ELAVL2: variants seen among roughly 807,000 people sequenced by gnomAD.
ELAVL2 encodes the protein ELAV like RNA binding protein 2.
Under a neutral mutation model 34.6 loss-of-function variants are expected in ELAVL2, and 4 were observed. The ratio of observed to expected loss-of-function variants is 0.12; its 90% CI spans 0.06 to 0.26. The LOEUF is 0.26. Ranked by LOEUF, ELAVL2 falls within the 10% of genes least tolerant of loss-of-function variation. The probability of loss-of-function intolerance (pLI) is 1.00; values close to 1 mark genes in which losing one functional copy is unlikely to be tolerated. For missense variants in ELAVL2, 432 were observed against 442.8 expected, an observed-to-expected ratio of 0.98 and a Z score of 0.22; for synonymous variants, 193 against 154.8, an observed-to-expected ratio of 1.25 and a Z score of -1.83.
At chr9:23,814,731 C>G (rs1183735471) in intron 1 of ELAVL2, among the ~76,000 whole-genome samples, 1 of 152,132 alleles carries the variant, frequency 6.6e-6, no homozygotes, top group Admixed American at 6.5e-5. Context: ...TTAACACATT[C>G]TGGATACCTC....
intron 1 of ELAVL2, among the ~76,000 whole-genome samples, chr9:23,782,941 T>C (rs1252191425): frequency 2.0e-5 from 3 of 152,134 alleles, no homozygotes; most frequent in Non-Finnish European, 2.9e-5. Flanking sequence ...CTCTTTCCAA[T>C]CCCAGCTTCC....
At chr9:23,805,488 A>G (rs3829091) in intron 1 of ELAVL2, among the ~76,000 whole-genome samples, 2,345 of 152,304 alleles carry the variant, frequency 0.015, 54 homozygotes, top group African/African-American at 0.047. Flanking sequence ...CAGCTTTAAA[A>G]TGAGTTGCTT....
chr9:23,740,229 G>A (rs571123798), intron 2 of ELAVL2, among the ~76,000 whole-genome samples: 18 of 152,226 alleles, frequency 1.2e-4, no homozygotes, highest in African/African-American at 4.1e-4. Context: ...CAGTACCACT[G>A]CCAAACTAAA....
chr9:23,733,929 T>C (rs941494026), intron 2 of ELAVL2, among the ~76,000 whole-genome samples: 2 of 152,152 alleles, frequency 1.3e-5, no homozygotes, highest in African/African-American at 4.8e-5. Context: ...GTCAAATATC[T>C]AGTATCTGTT....
Position 23,787,759 on chromosome 9 carries a change from A to AC in ELAVL2, c.-15-25511dup, listed in dbSNP as rs367577542. Among the ~76,000 whole-genome samples the AC allele has an allele frequency of 3.4e-4, 52 of 152,238 alleles. 1 individual carries two copies. The highest frequency in any genetic ancestry group is 1.2e-3 in the African/African-American group (51 of 41,546). On this transcript the variant is annotated intron_variant, in intron 1 of 6. Transcript: ENST00000397312. ...CCCAGATACTGGCATTTTTATCAGCACCCGATTTGATTCTAATCTGCAAGC... is the reference window on the plus strand; with the variant it reads ...CCCAGATACTGGCATTTTTATCAGCACCCCGATTTGATTCTAATCTGCAAGC...
chr9:23,793,314 G>A (rs912964264), intron 1 of ELAVL2, among the ~76,000 whole-genome samples: 1 of 152,084 alleles, frequency 6.6e-6, no homozygotes, highest in African/African-American at 2.4e-5. Context: ...TCTGAAAGAT[G>A]GTACCAATTT....
At chr9:23,818,666 C>A (rs570345829) in intron 1 of ELAVL2, among the ~76,000 whole-genome samples, 9 of 152,300 alleles carry the variant, frequency 5.9e-5, no homozygotes, top group African/African-American at 1.9e-4. Context: ...ACCACAGATT[C>A]TAGCCTCTCT....
intron 1 of ELAVL2, among the ~76,000 whole-genome samples, chr9:23,771,240 A>C (rs953276178): frequency 3.3e-5 from 5 of 152,184 alleles, no homozygotes; most frequent in African/African-American, 1.2e-4. Context: ...AAGGTGCTAC[A>C]TTTTAATTAC....
At chr9:23,700,703 T>C (rs1015141820) in intron 5 of ELAVL2, among the ~76,000 whole-genome samples, 2 of 152,192 alleles carry the variant, frequency 1.3e-5, no homozygotes, top group African/African-American at 4.8e-5. Context: ...TCTGGTACTG[T>C]ACAGAGAAAG....
At chr9:23,770,682 A>AAG (rs1392585384) in intron 1 of ELAVL2, among the ~76,000 whole-genome samples, 25 of 152,212 alleles carry the variant, frequency 1.6e-4, no homozygotes, top group Non-Finnish European at 8.8e-5. Flanking sequence ...ATCTCTCATA[A>AAG]AGACTCTGGG....
intron 2 of ELAVL2, among the ~76,000 whole-genome samples, chr9:23,745,959 C>T (rs1237246782): frequency 6.6e-6 from 1 of 152,144 alleles, no homozygotes; most frequent in Non-Finnish European, 1.5e-5. Context: ...TGTTCTTGCT[C>T]ACACTCAGTG....
chr9:23,830,166 A>C (rs1309562403), upstream of ELAVL2: 2 of 152,260 alleles, frequency 1.3e-5, no homozygotes, highest in Non-Finnish European at 2.9e-5. Context: ...CGAATATCCC[A>C]GCTGGAATTG....
intron 5 of ELAVL2, among the ~76,000 whole-genome samples, chr9:23,697,456 G>C (rs947745159): frequency 1.3e-5 from 2 of 152,188 alleles, no homozygotes; most frequent in African/African-American, 2.4e-5. Flanking sequence ...ATAGTAATTA[G>C]CAAGACATTT....
rs2065274345 is a variant in ELAVL2 at position 23,826,022 on chromosome 9, CT to C, written c.-233del. The C allele has an allele frequency of 6.6e-6, 1 of 152,078 alleles. No homozygotes were observed. Among genetic ancestry groups the C allele is most frequent in the East Asian group, 1.9e-4 (1 of 5,186 alleles). 9.4% of individuals were successfully genotyped at this position (152,078 alleles called of 1,614,324 possible). ...AAAAAATATGAAAGGGGAGGGGAAA[CT>C]TAAAAAAGAGTTTAAAAAGACGGAG... On this transcript the variant is annotated 5_prime_UTR_variant, in exon 1 of 7. Coordinates refer to ENST00000397312, the MANE Select transcript of ELAVL2 (RefSeq NM_004432.5).
chr9:23,736,966 T>C (rs1004447560), intron 2 of ELAVL2, among the ~76,000 whole-genome samples: 3 of 152,188 alleles, frequency 2.0e-5, no homozygotes, highest in African/African-American at 7.2e-5. Context: ...CCAACTCCCA[T>C]GTATCCTTTG....
At chr9:23,725,126 G>A (rs183056724) in intron 3 of ELAVL2, among the ~76,000 whole-genome samples, 7 of 152,080 alleles carry the variant, frequency 4.6e-5, no homozygotes, top group South Asian at 2.1e-4. Flanking sequence ...AAGATGTGGC[G>A]TTTAAATACA....
At chr9:23,752,520 C>A (rs1172292521) in intron 2 of ELAVL2, among the ~76,000 whole-genome samples, 1 of 151,414 alleles carries the variant, frequency 6.6e-6, no homozygotes, top group Admixed American at 6.6e-5. Flanking sequence ...GGCTGGAGTG[C>A]AGTGGCTCAC....
chr9:23,694,434 T>C (rs750547885), intron 5 of ELAVL2, among the ~76,000 whole-genome samples: 7 of 152,200 alleles, frequency 4.6e-5, no homozygotes, highest in Non-Finnish European at 7.3e-5. Flanking sequence ...TACCAACTAA[T>C]TATGTGTTCT....
intron 2 of ELAVL2, among the ~76,000 whole-genome samples, chr9:23,744,215 T>A (rs1242872783): frequency 1.5e-4 from 23 of 152,156 alleles, no homozygotes; most frequent in Admixed American, 1.4e-3. Flanking sequence ...CACCTTAAGT[T>A]TCACAAATAG....
Sources: gnomAD v4.1 joint callset for allele counts (sites outside exome capture counted in the v4.1 genomes callset) on GRCh38, gnomAD v4.1.1 for gene constraint, MANE v1.5 for transcripts, NCBI Gene and HGNC (gene_info 2026-07-23, HGNC 2026-07-21) for gene names.